KLF8: variants seen among roughly 807,000 people sequenced by gnomAD.
KLF8 encodes the protein KLF transcription factor 8, also known as Krueppel-like factor 8.
In KLF8, 10 loss-of-function variants were observed where a neutral mutation model predicts 18.2. The observed-to-expected ratio is 0.55, with a 90% CI of 0.34 to 0.93. The LOEUF is 0.93. Ranked by LOEUF, KLF8 falls within the 40% of genes least tolerant of loss-of-function variation. KLF8 has a pLI of 0.02. For synonymous variants in KLF8, 109 were observed against 97.3 expected (o/e 1.12, Z -0.71); for missense variants, 264 against 277.9 (o/e 0.95, Z 0.36).
At chrX:56,193,079 G>T in the KLF8 span, among the ~76,000 whole-genome samples, 2 of 111,690 alleles carry the variant, frequency 1.8e-5, no homozygotes, top group African/African-American at 6.5e-5. Context: ...TTCTGACAAG[G>T]GTTTGAGAAC....
At chrX:56,178,369 G>C in the KLF8 span, among the ~76,000 whole-genome samples, 1 of 112,230 alleles carries the variant, frequency 8.9e-6, no homozygotes. Flanking sequence ...GTTCTTTGTA[G>C]ATTCTGGATA....
At chrX:56,225,412 G>C in the KLF8 span, among the ~76,000 whole-genome samples, 8 of 110,798 alleles carry the variant, frequency 7.2e-5, no homozygotes, top group African/African-American at 2.3e-4. Context: ...CCAACTAATA[G>C]GTGGTAAGGG....
At chrX:56,274,657 T>TA (rs964168492) in intron 5 of KLF8, among the ~76,000 whole-genome samples, 2 of 112,214 alleles carry the variant, frequency 1.8e-5, no homozygotes, top group Non-Finnish European at 3.8e-5. Flanking sequence ...CATAAGCCTT[T>TA]AATCCATTTT....
the KLF8 span, among the ~76,000 whole-genome samples, chrX:56,052,385 C>A: frequency 3.0e-4 from 34 of 111,912 alleles, 1 homozygote; most frequent in Admixed American, 3.8e-4. Context: ...CTGTTTTTCC[C>A]CCATCTTTGT....
At chrX:56,176,524 C>A in the KLF8 span, among the ~76,000 whole-genome samples, 1 of 111,726 alleles carries the variant, frequency 9.0e-6, no homozygotes, top group African/African-American at 3.3e-5. Flanking sequence ...TTCTCTCTGG[C>A]TGCTCTTAAC....
the KLF8 span, among the ~76,000 whole-genome samples, chrX:56,087,716 C>A: frequency 8.9e-6 from 1 of 111,936 alleles, no homozygotes; most frequent in Admixed American, 9.5e-5. Flanking sequence ...TTCTTTAAGG[C>A]ATTTTCTGTG....
the KLF8 span, among the ~76,000 whole-genome samples, chrX:55,936,880 A>C: frequency 8.9e-6 from 1 of 111,829 alleles, no homozygotes; most frequent in African/African-American, 3.3e-5. Context: ...CAGCCGGGAA[A>C]CTCGAACTGG....
chrX:55,942,808 G>T, the KLF8 span, among the ~76,000 whole-genome samples: 2 of 112,255 alleles, frequency 1.8e-5, no homozygotes, highest in Non-Finnish European at 3.8e-5. Flanking sequence ...TTGAAGGCAA[G>T]TTCAGACTGT....
chrX:55,935,752 A>G, the KLF8 span, among the ~76,000 whole-genome samples: 1 of 112,298 alleles, frequency 8.9e-6, no homozygotes, highest in East Asian at 2.8e-4. Flanking sequence ...TTTTATACAT[A>G]TATACTAAAA....
At chrX:56,041,941 C>T in the KLF8 span, among the ~76,000 whole-genome samples, 1 of 111,993 alleles carries the variant, frequency 8.9e-6, no homozygotes, top group Non-Finnish European at 1.9e-5. Flanking sequence ...CCTGCCTCTG[C>T]CTCCCAAAGT....
chrX:55,939,102 C>A, the KLF8 span, among the ~76,000 whole-genome samples: 1 of 111,580 alleles, frequency 9.0e-6, no homozygotes, highest in Non-Finnish European at 1.9e-5. Context: ...AAGCCTATTC[C>A]AAAATTGACC....
At chrX:56,118,602 A>C in the KLF8 span, among the ~76,000 whole-genome samples, 1 of 111,298 alleles carries the variant, frequency 9.0e-6, no homozygotes, top group African/African-American at 3.3e-5. Context: ...TTAGGGTCAC[A>C]CTTGAAAGCC....
the KLF8 span, among the ~76,000 whole-genome samples, chrX:56,053,917 C>G: frequency 9.0e-6 from 1 of 110,502 alleles, no homozygotes; most frequent in African/African-American, 3.3e-5. Flanking sequence ...TTCTAGCTAG[C>G]TATGCACTTA....
At chrX:56,002,028 C>T in the KLF8 span, among the ~76,000 whole-genome samples, 1 of 111,827 alleles carries the variant, frequency 8.9e-6, no homozygotes, top group Non-Finnish European at 1.9e-5. Flanking sequence ...TGATCAGGGA[C>T]AAATTAGAAG....
intron 2 of KLF8, among the ~76,000 whole-genome samples, chrX:56,256,546 T>G (rs906894143): frequency 8.9e-6 from 1 of 111,778 alleles, no homozygotes; most frequent in African/African-American, 3.3e-5. Flanking sequence ...TGTAGGCACT[T>G]ACAGCTATAA....
the KLF8 span, among the ~76,000 whole-genome samples, chrX:55,942,849 G>C: frequency 8.9e-6 from 1 of 112,035 alleles, no homozygotes; most frequent in Non-Finnish European, 1.9e-5. Context: ...CAATGTGGCT[G>C]GTGCATAGTC....
chrX:56,098,879 T>C, the KLF8 span, among the ~76,000 whole-genome samples: 7 of 112,328 alleles, frequency 6.2e-5, no homozygotes, highest in Admixed American at 6.6e-4. Flanking sequence ...AGAAATTAAG[T>C]AATTTTGCAG....
the KLF8 span, among the ~76,000 whole-genome samples, chrX:56,029,587 G>A: frequency 8.9e-6 from 1 of 111,750 alleles, no homozygotes; most frequent in Non-Finnish European, 1.9e-5. Context: ...GGGCTCCTTG[G>A]GGGCATTTGA....
At chrX:56,148,449 A>T in the KLF8 span, among the ~76,000 whole-genome samples, 2 of 111,196 alleles carry the variant, frequency 1.8e-5, no homozygotes, top group African/African-American at 6.5e-5. Flanking sequence ...TTTAAAAAAA[A>T]AAATAGAGAA....
Sources: gnomAD v4.1 joint callset for allele counts (sites outside exome capture counted in the v4.1 genomes callset) on GRCh38, gnomAD v4.1.1 for gene constraint, MANE v1.5 for transcripts, NCBI Gene and HGNC (gene_info 2026-07-23, HGNC 2026-07-21) for gene names.